The following FZD6 variants were observed in gnomAD, a reference collection of about 807,000 sequenced individuals.
FZD6 encodes the protein frizzled class receptor 6, also known as frizzled-6.
FZD6 carries 49 observed loss-of-function variants against 61.4 expected under a neutral mutation model. The ratio of observed to expected loss-of-function variants is 0.80; its 90% CI spans 0.63 to 1.01. FZD6 has a LOEUF of 1.01. FZD6 is among the 50% of genes least tolerant of loss of function. The pLI is 0.00. For synonymous variants in FZD6, 265 were observed against 292.2 expected (o/e 0.91, Z 0.95); for missense variants, 724 against 848.2 (o/e 0.85, Z 1.82).
Position 103,324,935 on chromosome 8 carries a change from T to C in FZD6, c.829T>C (p.Ser277Pro). 1 of 1,614,104 alleles carries C rather than the reference T, an allele frequency of 6.2e-7. No individual in the cohort carries two copies. The highest frequency in any genetic ancestry group is 8.5e-7 in the Non-Finnish European group (1 of 1,179,974). ...LELGDTVVLG[S>P]QNKACTVLFM... ...ACTTGGTGACACTGTTGTCCTAGGC[T>C]CTCAAAATAAGGCTTGCACCGTTTT... Residue 277 changes from serine (S) to proline (P), a missense_variant, in exon 4 of 7, where the codon TCT (serine) becomes CCT (proline). Ser to Pro is a moderately conservative substitution (Grantham distance 74, BLOSUM62 -1). Coordinates refer to ENST00000358755, the MANE Select transcript of FZD6 (RefSeq NM_003506.4).
At chr8:103,313,409 G>C (rs1381962932) in intron 2 of FZD6, among the ~76,000 whole-genome samples, 7 of 152,192 alleles carry the variant, frequency 4.6e-5, no homozygotes, top group Non-Finnish European at 1.0e-4. Flanking sequence ...CAAGGGCTTA[G>C]ATTAGGTCAG....
At chr8:103,306,493 A>AT (rs1310552564) in intron 2 of FZD6, among the ~76,000 whole-genome samples, 6 of 95,338 alleles carry the variant, frequency 6.3e-5, no homozygotes, top group African/African-American at 2.4e-4. Flanking sequence ...AAGGTTCATC[A>AT]CTTTTTTTTT....
intron 2 of FZD6, among the ~76,000 whole-genome samples, chr8:103,305,165 A>G (rs1051151175): frequency 1.3e-5 from 2 of 152,238 alleles, no homozygotes; most frequent in Admixed American, 1.3e-4. Flanking sequence ...TCATCCAGAA[A>G]GAGCTGAGAC....
Position 103,324,616 on chromosome 8 carries a change from A to G in FZD6, c.510A>G (p.Gly170=). The change falls in exon 4 of 7, where the codon GGA becomes GGG. Residue 170 remains glycine (G), a synonymous_variant. Transcript: ENST00000358755. ...WCPRHLKTSG[G]QGYKFLGIDQ... The stretch of plus-strand genomic sequence containing the variant: ...CAAGGCATCTTAAGACTTCTGGGGG[A>G]CAAGGATATAAGTTTCTGGGAATTG... 1 of 1,614,134 alleles carries G rather than the reference A, an allele frequency of 6.2e-7. No individual in the cohort carries two copies. The highest frequency in any genetic ancestry group is 8.5e-7 in the Non-Finnish European group (1 of 1,179,982).
intron 1 of FZD6, among the ~76,000 whole-genome samples, chr8:103,299,476 C>T (rs1203284213): frequency 2.6e-5 from 4 of 152,168 alleles, no homozygotes; most frequent in African/African-American, 7.2e-5. Context: ...TCTAGTTGGC[C>T]TTACGAAAAT....
At chr8:103,306,627 C>T (rs62525498) in intron 2 of FZD6, among the ~76,000 whole-genome samples, 64,558 of 150,678 alleles carry the variant, frequency 0.43, 14,405 homozygotes, top group East Asian at 0.61. Context: ...CTCAGCCTCC[C>T]GAGTAGCTGG....
chr8:103,302,601 GT>G (rs897737819), intron 2 of FZD6, among the ~76,000 whole-genome samples: 3 of 150,832 alleles, frequency 2.0e-5, no homozygotes, highest in African/African-American at 7.3e-5. Context: ...TCTTTAACTG[GT>G]TTTTTTTTAG....
chr8:103,318,757 C>A lies in FZD6; in HGVS notation c.345C>A (p.Ile115=). 6.2e-7 allele frequency: 1 copy of A among 1,609,592 alleles called. No individual in the cohort carries two copies. Among genetic ancestry groups the A allele is most frequent in the South Asian group, 1.1e-5 (1 of 90,998 alleles). The part of the protein sequence containing the change: ...DCKKLIDTFG[I]RWPEELECDR... ...AAAAATTAATTGACACTTTTGGGAT[C>A]CGATGGCCTGAGGAGCTTGAATGTG... The change falls in exon 3 of 7, where the codon ATC becomes ATA. Residue 115 remains isoleucine (I), a synonymous_variant. Transcript: ENST00000358755.
chr8:103,306,591 C>T (rs569140248), intron 2 of FZD6, among the ~76,000 whole-genome samples: 1 of 143,554 alleles, frequency 7.0e-6, no homozygotes, highest in East Asian at 2.2e-4. Flanking sequence ...CAAGCTCCCT[C>T]TCCTGGGTTC....
At chr8:103,318,441 G>A in intron 2 of FZD6, 149 bp from the exon 3 acceptor site, 4 of 649,658 alleles carry the variant, frequency 6.2e-6, no homozygotes, top group South Asian at 5.5e-5. Context: ...ATCCCATTGT[G>A]TATGAAGAGT....
intron 2 of FZD6, among the ~76,000 whole-genome samples, chr8:103,306,695 C>CG (rs1171663563): frequency 6.6e-6 from 1 of 151,442 alleles, no homozygotes; most frequent in African/African-American, 2.4e-5. Flanking sequence ...TTAGTAGAGA[C>CG]GGGGTTTAAC....
At chr8:103,300,690 G>A (rs1201264430) in intron 2 of FZD6, among the ~76,000 whole-genome samples, 1 of 152,120 alleles carries the variant, frequency 6.6e-6, no homozygotes, top group Non-Finnish European at 1.5e-5. Context: ...ATAAGTAGTT[G>A]TAATATTCAC....
intron 2 of FZD6, among the ~76,000 whole-genome samples, chr8:103,313,494 G>T (rs1814550357): frequency 6.6e-6 from 1 of 152,200 alleles, no homozygotes; most frequent in African/African-American, 2.4e-5. Flanking sequence ...AAGTATCTCA[G>T]CAGGGAGAGC....
rs765626207 is a variant in FZD6 at position 103,325,030 on chromosome 8, C to T, written c.924C>T (p.Phe308=). 9 of 1,614,014 alleles carry T rather than the reference C, an allele frequency of 5.6e-6. No individual in the cohort carries two copies. The highest frequency in any genetic ancestry group is 7.6e-6 in the Non-Finnish European group (9 of 1,180,012). ...GGGTGATTCTTACCATTACTTGGTT[C>T]TTAGCTGCAGGAAGAAAATGGAGTT... ...VWWVILTITW[F]LAAGRKWSCE... is the part of the protein sequence containing the mutation. The change falls in exon 4 of 7, where the codon TTC becomes TTT. Residue 308 remains phenylalanine, a synonymous_variant. Transcript: ENST00000358755.
At chr8:103,329,561 AT>A (rs1225260412) in intron 5 of FZD6, 93 bp from the exon 6 acceptor site, 1 of 883,596 alleles carries the variant, frequency 1.1e-6, no homozygotes, top group Non-Finnish European at 1.8e-6. Flanking sequence ...GTGACTAAGG[AT>A]TTTTGGCAAA....
chr8:103,316,428 T>A (rs960682114), intron 2 of FZD6, among the ~76,000 whole-genome samples: 4 of 152,218 alleles, frequency 2.6e-5, no homozygotes, highest in Non-Finnish European at 5.9e-5. Context: ...AGAATTTCTC[T>A]TGTCATTCTT....
In FZD6 at chr8:103,325,403, G is replaced by A. The variant is rs541992719; in HGVS notation, c.1297G>A (p.Gly433Arg). ...LYLVPLVTLL[G>R]CYVYEQVNRI... Reference sequence around the variant, plus strand: ...TCTTGTGCCATTAGTGACACTTCTCGGATGTTACGTCTATGAGCAAGTGAA... The same window carrying A: ...TCTTGTGCCATTAGTGACACTTCTCAGATGTTACGTCTATGAGCAAGTGAA... Residue 433 changes from glycine to arginine, a missense_variant, in exon 4 of 7, where the codon GGA (glycine) becomes AGA (arginine). Transcript: ENST00000358755. The A allele has an allele frequency of 2.2e-5, 36 of 1,613,330 alleles. No individual in the cohort carries two copies. The highest frequency in any genetic ancestry group is 1.8e-4 in the South Asian group (16 of 91,058).
chr8:103,331,740 A>G lies in FZD6; in HGVS notation c.*231A>G, dbSNP rs1815141837. 6.4e-6 allele frequency: 3 copies of G among 467,588 alleles called. No individual in the cohort carries two copies. Among genetic ancestry groups the G allele is most frequent in the South Asian group, 4.3e-5 (2 of 47,020 alleles). 29.0% of individuals were successfully genotyped at this position (467,588 alleles called of 1,614,324 possible). On this transcript the variant is annotated 3_prime_UTR_variant, in exon 7 of 7. Coordinates refer to ENST00000358755, the MANE Select transcript of FZD6 (RefSeq NM_003506.4). ...TGTGCAGGTTAATAATATTTTTTTA[A>G]TAGTGTGGGAGGACAGAGTTAGAGG...
Position 103,318,693 on chromosome 8 carries a change from C to T in FZD6, c.281C>T (p.Pro94Leu), listed in dbSNP as rs534988999. The T allele has an allele frequency of 3.3e-5, 53 of 1,607,496 alleles. No homozygotes were observed. The highest frequency in any genetic ancestry group is 5.0e-5 in the Admixed American group (3 of 59,972). Residue 94 changes from proline (P) to leucine (L), a missense_variant, in exon 3 of 7, where the codon CCT becomes CTT. Transcript: ENST00000358755. ...TCIEQIHVVP[P>L]CRKLCEKVYS... ...ATAGAACAAATTCATGTGGTTCCACCTTGTCGTAAACTTTGTGAGAAAGTA... is the reference window on the plus strand; with the variant it reads ...ATAGAACAAATTCATGTGGTTCCACTTTGTCGTAAACTTTGTGAGAAAGTA...
Sources: gnomAD v4.1 joint callset for allele counts (sites outside exome capture counted in the v4.1 genomes callset) on GRCh38, gnomAD v4.1.1 for gene constraint, MANE v1.5 for transcripts, NCBI Gene and HGNC (gene_info 2026-07-23, HGNC 2026-07-21) for gene names.